SLC16A12: variants seen among roughly 807,000 people sequenced by gnomAD.
The protein encoded by SLC16A12 is solute carrier family 16 member 12, also known as monocarboxylate transporter 12.
SLC16A12 carries 17 observed loss-of-function variants against 42.4 expected under a neutral mutation model. The observed-to-expected ratio is 0.40, with a 90% CI of 0.27 to 0.60. The LOEUF (loss-of-function observed/expected upper bound fraction) is 0.60. SLC16A12 is among the 20% of genes least tolerant of loss of function. The pLI is 0.42. For synonymous variants in SLC16A12, 224 were observed against 229.4 expected, an observed-to-expected ratio of 0.98 and a Z score of 0.21; for missense variants, 544 against 623.0, an observed-to-expected ratio of 0.87 and a Z score of 1.35.
rs373753257 is a variant in SLC16A12, at chr10:89,465,760, T to C, written c.-46-3136A>G. On this transcript the variant is annotated intron_variant, in intron 2 of 7. Coordinates refer to ENST00000371790, the MANE Select transcript of SLC16A12 (RefSeq NM_213606.4). The stretch of plus-strand genomic sequence containing the variant: ...ATTCAACTCTATCTGCTCTTTCCAG[T>C]GGCCATCTGGGCCCAGTCCCTTGGT... Among the ~76,000 whole-genome samples, 84 of 152,326 alleles carry C rather than the reference T, an allele frequency of 5.5e-4. 3 individuals carry two copies. The South Asian group carries it at 0.017, about 31-fold the overall frequency.
intron 2 of SLC16A12, among the ~76,000 whole-genome samples, chr10:89,466,923 T>G (rs1842410248): frequency 6.6e-6 from 1 of 152,190 alleles, no homozygotes; most frequent in East Asian, 1.9e-4. Context: ...TATGGTATGT[T>G]TTATGCCTAG....
At chr10:89,433,433 C>T (rs940169783) in intron 7 of SLC16A12, 107 bp from the exon 8 acceptor site, 2 of 1,152,378 alleles carry the variant, frequency 1.7e-6, no homozygotes, top group African/African-American at 1.5e-5. Context: ...GATAGCACCA[C>T]CAATTGTAAC....
chr10:89,510,589 G>C (rs1843147852), intron 2 of SLC16A12, among the ~76,000 whole-genome samples: 1 of 152,104 alleles, frequency 6.6e-6, no homozygotes, highest in Non-Finnish European at 1.5e-5. Flanking sequence ...ACTCAAGATG[G>C]ATAAAAGATT....
At chr10:89,509,579 T>C (rs987776818) in intron 2 of SLC16A12, among the ~76,000 whole-genome samples, 1 of 152,198 alleles carries the variant, frequency 6.6e-6, no homozygotes, top group African/African-American at 2.4e-5. Context: ...TAGGTATTGA[T>C]GAAACATATC....
At chr10:89,555,572 T>C (rs901343653) in intron 2 of SLC16A12, among the ~76,000 whole-genome samples, 2 of 136,416 alleles carry the variant, frequency 1.5e-5, no homozygotes, top group African/African-American at 5.2e-5. Context: ...TATACGTATA[T>C]GTATATGTAT....
intron 4 of SLC16A12, among the ~76,000 whole-genome samples, chr10:89,442,319 A>G (rs530957790): frequency 6.6e-6 from 1 of 152,324 alleles, no homozygotes; most frequent in South Asian, 2.1e-4. Flanking sequence ...GTATATGGTA[A>G]TTGTGTACAA....
At chr10:89,512,007 T>A (rs1324044077) in intron 2 of SLC16A12, among the ~76,000 whole-genome samples, 1 of 152,148 alleles carries the variant, frequency 6.6e-6, no homozygotes, top group South Asian at 2.1e-4. Context: ...TACTACACAA[T>A]AAATGAAGCC....
chr10:89,460,474 C>A (rs1004702225), intron 3 of SLC16A12, among the ~76,000 whole-genome samples: 4 of 110,448 alleles, frequency 3.6e-5, no homozygotes, highest in Admixed American at 3.2e-4. Flanking sequence ...TCTGTAATCC[C>A]AGCACTTTGG....
At chr10:89,531,093 C>T (rs776041463) in intron 2 of SLC16A12, among the ~76,000 whole-genome samples, 2 of 152,068 alleles carry the variant, frequency 1.3e-5, no homozygotes, top group Non-Finnish European at 2.9e-5. Context: ...CATATTACAT[C>T]GGTTTAGGCA....
At chr10:89,522,754 T>TCTCTGTA (rs550259547) in intron 2 of SLC16A12, among the ~76,000 whole-genome samples, 117 of 152,338 alleles carry the variant, frequency 7.7e-4, no homozygotes, top group African/African-American at 2.6e-3. Flanking sequence ...TGACTTAACC[T>TCTCTGTA]CTCTGTACTT....
chr10:89,484,017 G>C (rs1842711194), intron 2 of SLC16A12, among the ~76,000 whole-genome samples: 1 of 152,122 alleles, frequency 6.6e-6, no homozygotes, highest in Admixed American at 6.5e-5. Flanking sequence ...AGGTGTGGTG[G>C]CACATGAGTG....
chr10:89,512,664 C>T (rs779442562), intron 2 of SLC16A12, among the ~76,000 whole-genome samples: 5 of 152,200 alleles, frequency 3.3e-5, no homozygotes, highest in African/African-American at 7.2e-5. Context: ...GGGAATCTCC[C>T]GGACCTTGCC....
In SLC16A12 at chr10:89,533,820, G is replaced by A. The variant is rs575618040; in HGVS notation, c.-47+681C>T. On this transcript the variant is annotated intron_variant, in intron 2 of 7. Transcript: ENST00000371790. ...TTAAATCAACCTCTCATCTATTTCA[G>A]AATCCCATCAGTTAAAAAAAAAAAA... is the stretch of plus-strand genomic sequence containing the variant. Among the ~76,000 whole-genome samples the A allele has an allele frequency of 3.3e-5, 5 of 149,280 alleles. No individual in the cohort carries two copies. In the East Asian group the frequency reaches 9.7e-4, roughly 29 times the overall value.
chr10:89,475,271 G>A (rs1842559737), intron 2 of SLC16A12, among the ~76,000 whole-genome samples: 1 of 152,192 alleles, frequency 6.6e-6, no homozygotes, highest in Non-Finnish European at 1.5e-5. Context: ...CTTTACAGCA[G>A]TGTAGCAAAG....
intron 7 of SLC16A12, 44 bp downstream of exon 7, chr10:89,436,016 T>C (rs1841778070): frequency 1.9e-6 from 3 of 1,612,004 alleles, no homozygotes; most frequent in Non-Finnish European, 2.5e-6. Context: ...CACATCAATA[T>C]GCCAAAGAGA....
At chr10:89,455,978 C>G (rs1481534170) in intron 3 of SLC16A12, 1 of 152,178 alleles carries the variant, frequency 6.6e-6, no homozygotes, top group East Asian at 1.9e-4. Flanking sequence ...GACGAAATGA[C>G]ATTCTCAAAA....
chr10:89,521,272 A>C (rs1353670602), intron 2 of SLC16A12, among the ~76,000 whole-genome samples: 1 of 152,130 alleles, frequency 6.6e-6, no homozygotes, highest in Non-Finnish European at 1.5e-5. Flanking sequence ...CCAAGTCGAG[A>C]TTTCTGTTCC....
Position 89,433,167 on chromosome 10 carries a change from T to C in SLC16A12, c.1448A>G (p.Gln483Arg), listed in dbSNP as rs1841719549. 10 of 1,614,216 alleles carry C rather than the reference T, an allele frequency of 6.2e-6. No homozygotes were observed. Among genetic ancestry groups the C allele is most frequent in the African/African-American group, 1.3e-5 (1 of 75,054 alleles). Residue 483 changes from glutamine to arginine, a missense_variant, in exon 8 of 8, where the codon CAG becomes CGG. Gln to Arg is a conservative substitution (Grantham distance 43). Coordinates refer to ENST00000371790, the MANE Select transcript of SLC16A12 (RefSeq NM_213606.4). ...FIAKESDPKLQLWTNGSVAYS... is the reference protein window; with the variant it reads ...FIAKESDPKLRLWTNGSVAYS... ...AGCCACTGATCCATTGGTCCATAGCTGCAGCTTAGGATCAGATTCTTTGGC... is the reference window on the plus strand; with the variant it reads ...AGCCACTGATCCATTGGTCCATAGCCGCAGCTTAGGATCAGATTCTTTGGC...
upstream of SLC16A12, among the ~76,000 whole-genome samples, chr10:89,538,340 T>A (rs1165076891): frequency 6.6e-6 from 1 of 152,280 alleles, no homozygotes; most frequent in Non-Finnish European, 1.5e-5. Flanking sequence ...AAAATATGGC[T>A]ATTTACATTT....
Sources: gnomAD v4.1 joint callset for allele counts (sites outside exome capture counted in the v4.1 genomes callset) on GRCh38, gnomAD v4.1.1 for gene constraint, MANE v1.5 for transcripts, NCBI Gene and HGNC (gene_info 2026-07-23, HGNC 2026-07-21) for gene names.